Variants in CERS3 observed in about 807,000 individuals in gnomAD.
The protein encoded by CERS3 is LAG1 homolog, ceramide synthase 3.
In CERS3, 33 loss-of-function variants were observed where a neutral mutation model predicts 50.3. The observed-to-expected ratio is 0.66, with a 90% CI of 0.50 to 0.88. The LOEUF (loss-of-function observed/expected upper bound fraction) is 0.88, where lower values mean the gene tolerates loss of function less well. CERS3 is among the 40% of genes least tolerant of loss of function. The probability of loss-of-function intolerance (pLI) is 0.00; values close to 1 mark genes in which losing one functional copy is unlikely to be tolerated. For synonymous variants in CERS3, 176 were observed against 155.2 expected (o/e 1.13, Z -0.99); for missense variants, 470 against 460.3 (o/e 1.02, Z -0.19).
chr15:100,484,456 C>T (rs940451936), intron 5 of CERS3, 94 bp downstream of exon 5: 1 of 873,056 alleles, frequency 1.1e-6, no homozygotes. Context: ...GGTCTGAACC[C>T]TCCCTCTGCT....
intron 1 of CERS3, among the ~76,000 whole-genome samples, chr15:100,523,719 A>G (rs1033868404): frequency 6.6e-6 from 1 of 151,462 alleles, no homozygotes; most frequent in South Asian, 2.1e-4. Flanking sequence ...AAAAAAAAAA[A>G]AGAAATCACT....
chr15:100,533,562 CTTTTT>C (rs59483467), upstream of CERS3, among the ~76,000 whole-genome samples: 16 of 112,390 alleles, frequency 1.4e-4, no homozygotes, highest in South Asian at 3.1e-4. Context: ...CCCTCTCTCT[CTTTTT>C]TTTTTTTTTT....
intron 2 of CERS3, among the ~76,000 whole-genome samples, chr15:100,516,094 A>T (rs1025563593): frequency 3.3e-5 from 5 of 152,186 alleles, no homozygotes; most frequent in African/African-American, 1.2e-4. Flanking sequence ...TTGAGAGACT[A>T]AAGGATTGCC....
intron 11 of CERS3, among the ~76,000 whole-genome samples, chr15:100,403,651 G>T (rs1470412248): frequency 6.6e-6 from 1 of 152,178 alleles, no homozygotes; most frequent in Non-Finnish European, 1.5e-5. Context: ...AGATAAAATG[G>T]ACCAATTTCT....
chr15:100,487,706 T>C (rs1280477847), intron 4 of CERS3, among the ~76,000 whole-genome samples: 1 of 152,170 alleles, frequency 6.6e-6, no homozygotes, highest in Non-Finnish European at 1.5e-5. Context: ...TCTGTGCCAG[T>C]AGAGGAGTCA....
chr15:100,456,891 G>A (rs2142200178), intron 10 of CERS3, among the ~76,000 whole-genome samples: 1 of 149,724 alleles, frequency 6.7e-6, no homozygotes, highest in South Asian at 2.1e-4. Context: ...AGGTTGCAGT[G>A]AGCCGAGATT....
At chr15:100,522,853 G>A (rs2036677577) in intron 1 of CERS3, among the ~76,000 whole-genome samples, 2 of 152,164 alleles carry the variant, frequency 1.3e-5, no homozygotes, top group Admixed American at 6.5e-5. Flanking sequence ...CCTGGGAGTG[G>A]AAACGCCAGG....
chr15:100,456,024 A>G lies in CERS3; in HGVS notation c.868T>C (p.Leu290=), dbSNP rs1218502117. The G allele has an allele frequency of 6.2e-7, 1 of 1,611,154 alleles. No homozygotes were observed. Among genetic ancestry groups the G allele is most frequent in the Non-Finnish European group, 8.5e-7 (1 of 1,178,646 alleles). ...PFWILYCTLI[L]PMYHLEPFFS... ...AAAGGCTCGAGGTGATACATAGGCA[A>G]GATCAGCGTGCAATATAAAATCCTG... Residue 290 remains leucine (L), a synonymous_variant, in exon 11 of 12, where the codon TTG becomes CTG. Coordinates refer to ENST00000679737, the MANE Select transcript of CERS3 (RefSeq NM_001378789.1).
At chr15:100,463,588 A>G (rs2034620743) in intron 10 of CERS3, among the ~76,000 whole-genome samples, 1 of 152,164 alleles carries the variant, frequency 6.6e-6, no homozygotes, top group Admixed American at 6.5e-5. Flanking sequence ...AATAGCATAA[A>G]GAAGGTACCA....
chr15:100,452,327 T>A (rs2142186991), intron 11 of CERS3, among the ~76,000 whole-genome samples: 1 of 152,246 alleles, frequency 6.6e-6, no homozygotes, highest in East Asian at 1.9e-4. Context: ...AGAGAAACTT[T>A]GAAAACTGTA....
At chr15:100,510,840 C>T (rs1179021491) in intron 2 of CERS3, among the ~76,000 whole-genome samples, 1 of 152,186 alleles carries the variant, frequency 6.6e-6, no homozygotes, top group African/African-American at 2.4e-5. Context: ...GAATTTCTAT[C>T]TTAGTCATTG....
chr15:100,543,984 A>G (rs2037269232), intron 1 of CERS3: 1 of 139,812 alleles, frequency 7.2e-6, no homozygotes, highest in Non-Finnish European at 1.6e-5. Flanking sequence ...AAAACAAAGC[A>G]CACCGCAGGA....
chr15:100,527,576 T>C (rs1438716794), intron 1 of CERS3, among the ~76,000 whole-genome samples: 3 of 152,232 alleles, frequency 2.0e-5, no homozygotes, highest in African/African-American at 7.2e-5. Context: ...TAGAATGAGC[T>C]GAAATCATAT....
At chr15:100,458,611 C>T (rs1232155335) in intron 10 of CERS3, among the ~76,000 whole-genome samples, 1 of 150,860 alleles carries the variant, frequency 6.6e-6, no homozygotes, top group African/African-American at 2.4e-5. Context: ...GATGTAATAA[C>T]TCGATTGCTT....
Position 100,417,469 on chromosome 15 carries a change from G to C in CERS3, c.1000-14604C>G, listed in dbSNP as rs1030276879. Among the ~76,000 whole-genome samples the C allele has an allele frequency of 2.0e-5, 3 of 152,038 alleles. No homozygotes were observed. In the South Asian group the frequency reaches 6.2e-4, roughly 32 times the overall value. ...TCGCTGATTGCTAGCACAGCAGTCT[G>C]AGATCAAACTGCAAGGCAGCAGCGA... On this transcript the variant is annotated intron_variant, in intron 11 of 11. Transcript: ENST00000679737.
chr15:100,532,952 T>C (rs11247219), upstream of CERS3, among the ~76,000 whole-genome samples: 74,289 of 151,676 alleles, frequency 0.49, 18,358 homozygotes, highest in South Asian at 0.62. Flanking sequence ...CTCTCCTCCC[T>C]GCCACAATGA....
chr15:100,415,355 C>T (rs755679505), intron 11 of CERS3, among the ~76,000 whole-genome samples: 4 of 151,644 alleles, frequency 2.6e-5, no homozygotes, highest in Non-Finnish European at 5.9e-5. Flanking sequence ...ATTGGGAATG[C>T]AAGTTCAACC....
At chr15:100,418,308 A>G (rs1397363011) in intron 11 of CERS3, among the ~76,000 whole-genome samples, 1 of 152,122 alleles carries the variant, frequency 6.6e-6, no homozygotes, top group Non-Finnish European at 1.5e-5. Context: ...AGCCGATGCG[A>G]TCAACTGGAA....
intron 2 of CERS3, among the ~76,000 whole-genome samples, chr15:100,509,432 A>G (rs1285490658): frequency 6.6e-6 from 1 of 152,202 alleles, no homozygotes; most frequent in Non-Finnish European, 1.5e-5. Flanking sequence ...AGATATTGCT[A>G]CAGAACATAT....
Sources: allele counts gnomAD v4.1 joint callset (sites outside exome capture counted in the v4.1 genomes callset), GRCh38; gene constraint gnomAD v4.1.1; transcripts MANE v1.5; gene names NCBI Gene and HGNC (gene_info 2026-07-23, HGNC 2026-07-21).